ANKFY1: variants seen among roughly 807,000 people sequenced by gnomAD.
ANKFY1 encodes the protein ankyrin repeat and FYVE domain containing 1.
ANKFY1 carries 47 observed loss-of-function variants against 128.3 expected under a neutral mutation model. That is an observed-to-expected ratio of 0.37 (90% CI 0.29 to 0.47). The LOEUF (loss-of-function observed/expected upper bound fraction) is 0.47. Ranked by LOEUF, ANKFY1 falls within the 20% of genes least tolerant of loss-of-function variation. The probability of loss-of-function intolerance (pLI) is 1.00; values close to 1 mark genes in which losing one functional copy is unlikely to be tolerated. For synonymous variants in ANKFY1, 553 were observed against 601.6 expected (o/e 0.92, Z 1.18); for missense variants, 1,222 against 1,510.6 (o/e 0.81, Z 3.17).
chr17:4,233,004 GA>G (rs1013273027), intron 3 of ANKFY1, among the ~76,000 whole-genome samples: 283 of 141,242 alleles, frequency 2.0e-3, no homozygotes, highest in African/African-American at 5.2e-3. Flanking sequence ...AGATAATGAA[GA>G]AAAAAAAAAA....
intron 5 of ANKFY1, among the ~76,000 whole-genome samples, chr17:4,208,431 C>T (rs990239741): frequency 6.6e-6 from 1 of 152,198 alleles, no homozygotes; most frequent in Non-Finnish European, 1.5e-5. Flanking sequence ...AACAGGAATG[C>T]GCCCCAAGGG....
chr17:4,260,136 T>A (rs1212339557), intron 1 of ANKFY1, among the ~76,000 whole-genome samples: 1 of 152,126 alleles, frequency 6.6e-6, no homozygotes, highest in Non-Finnish European at 1.5e-5. Context: ...ATTTTAAGAT[T>A]ACGGAGAAGT....
At chr17:4,238,496 T>C (rs2143326811) in intron 2 of ANKFY1, among the ~76,000 whole-genome samples, 1 of 151,898 alleles carries the variant, frequency 6.6e-6, no homozygotes, top group South Asian at 2.1e-4. Context: ...TTTTTTGAGA[T>C]GGAGTTCACT....
At chr17:4,248,500 G>A (rs1967675683) in intron 1 of ANKFY1, among the ~76,000 whole-genome samples, 1 of 152,210 alleles carries the variant, frequency 6.6e-6, no homozygotes, top group African/African-American at 2.4e-5. Context: ...TGTCAGAGAA[G>A]TACGTGTAAA....
At chr17:4,252,338 GGGA>G (rs1422797757) in intron 1 of ANKFY1, among the ~76,000 whole-genome samples, 1 of 152,148 alleles carries the variant, frequency 6.6e-6, no homozygotes, top group Admixed American at 6.5e-5. Context: ...AGGCTGAGGC[GGGA>G]GAACAGCTTG....
At chr17:4,222,833 A>AGG in intron 3 of ANKFY1, 2 of 966,556 alleles carry the variant, frequency 2.1e-6, no homozygotes, top group Non-Finnish European at 3.4e-6. Flanking sequence ...GGAGTTCCCA[A>AGG]GGGTTGTCTC....
rs932253804 is a variant in ANKFY1 at position 4,211,915 on chromosome 17, CAAACAAACA to C, written c.459-1977_459-1969del. 2.7e-3 allele frequency among the ~76,000 whole-genome samples: 54 copies of C among 19,936 alleles called. No individual in the cohort carries two copies. The Non-Finnish European group carries it at 0.14, about 51-fold the overall frequency. The allele number at this position is 19,936 out of a possible 152,430, so 13.1% of individuals were successfully genotyped here. ...AAAAAACAAAACAAAAACAAACAAA[CAAACAAACA>C]AAAAACATCAACTACATCAGAGAAG... On this transcript the variant is annotated intron_variant, in intron 4 of 24. Transcript: ENST00000341657.
chr17:4,222,187 C>CCCCTGCTAA (rs2060331221), intron 3 of ANKFY1: 4 of 162,684 alleles, frequency 2.5e-5, no homozygotes, highest in Non-Finnish European at 5.1e-5. Context: ...GCTGCTGCTA[C>CCCCTGCTAA]CCCTGCTGCC....
At chr17:4,250,356 G>T (rs528631855) in intron 1 of ANKFY1, among the ~76,000 whole-genome samples, 2 of 152,224 alleles carry the variant, frequency 1.3e-5, no homozygotes, top group African/African-American at 4.8e-5. Context: ...TTCATTTCAT[G>T]TTATCAAAGC....
chr17:4,202,276 C>G (rs1301882671), intron 7 of ANKFY1, among the ~76,000 whole-genome samples: 1 of 152,054 alleles, frequency 6.6e-6, no homozygotes, highest in African/African-American at 2.4e-5. Flanking sequence ...TGGCATGTGC[C>G]TGTAATCCCA....
At chr17:4,233,945 G>C (rs1306477304) in intron 3 of ANKFY1, among the ~76,000 whole-genome samples, 2 of 152,214 alleles carry the variant, frequency 1.3e-5, no homozygotes, top group African/African-American at 4.8e-5. Flanking sequence ...GCATAACTAT[G>C]TTTGGTCAAC....
Position 4,169,410 on chromosome 17 carries a change from G to A in ANKFY1, c.3287-122C>T. 1 of 709,170 alleles carries A rather than the reference G, an allele frequency of 1.4e-6. No homozygotes were observed. Among genetic ancestry groups the A allele is most frequent in the Non-Finnish European group, 2.5e-6 (1 of 406,870 alleles). The allele number at this position is 709,170 out of a possible 1,614,324, so 43.9% of individuals were successfully genotyped here. ...GGCAGCGCTGCCACATGACATAGGT[G>A]ACGAAGGAGCGATAGGTTCTAAGTG... On this transcript the variant is annotated intron_variant, in intron 23 of 24. Coordinates refer to ENST00000341657, the MANE Select transcript of ANKFY1 (RefSeq NM_001330063.2). The surrounding 1 kb of genome is among the most constrained non-coding windows in gnomAD (Gnocchi z 5.0).
intron 1 of ANKFY1, among the ~76,000 whole-genome samples, chr17:4,243,770 C>T (rs1440592064): frequency 6.6e-6 from 1 of 152,078 alleles, no homozygotes; most frequent in Admixed American, 6.6e-5. Context: ...TCCGCAGGTG[C>T]GCTGGGGCAG....
chr17:4,207,773 T>A (rs2060052079), intron 6 of ANKFY1, among the ~76,000 whole-genome samples, 160 bp downstream of exon 6: 1 of 152,056 alleles, frequency 6.6e-6, no homozygotes. Context: ...GAGAAACATG[T>A]TAGAAAAAGC....
chr17:4,190,963 C>T (rs749369668), intron 10 of ANKFY1, among the ~76,000 whole-genome samples: 1 of 152,134 alleles, frequency 6.6e-6, no homozygotes, highest in Non-Finnish European at 1.5e-5. Context: ...CATGGTGAAA[C>T]CCTGTCTCTA....
chr17:4,197,249 A>C, intron 8 of ANKFY1, 124 bp downstream of exon 8: 3 of 993,308 alleles, frequency 3.0e-6, no homozygotes, highest in Non-Finnish European at 4.6e-6. Flanking sequence ...CTGTGACTTT[A>C]ATGAAAATAA....
chr17:4,235,493 G>A lies in ANKFY1; in HGVS notation c.322+279C>T, dbSNP rs1330201980. 2.6e-5 allele frequency among the ~76,000 whole-genome samples: 4 copies of A among 151,996 alleles called. No homozygotes were observed. The East Asian group carries it at 5.8e-4, about 22-fold the overall frequency. On this transcript the variant is annotated intron_variant, in intron 3 of 24. Transcript: ENST00000341657. ...ATATTTTTTCATGAAATGAGTGTAC[G>A]GAAAAACACTTACATTTTATAAATC... is the stretch of plus-strand genomic sequence containing the variant.
At chr17:4,200,245 G>A (rs913192206) in intron 7 of ANKFY1, among the ~76,000 whole-genome samples, 1 of 151,882 alleles carries the variant, frequency 6.6e-6, no homozygotes, top group Admixed American at 6.6e-5. Flanking sequence ...TGTGTTTTTG[G>A]TAGAGGTGGG....
At chr17:4,222,905 C>A in intron 3 of ANKFY1, 1 of 1,118,004 alleles carries the variant, frequency 8.9e-7, no homozygotes, top group Non-Finnish European at 1.4e-6. Context: ...CAACTCCTAT[C>A]ACCAGCTCCT....
Sources: allele counts gnomAD v4.1 joint callset (sites outside exome capture counted in the v4.1 genomes callset), GRCh38; gene constraint gnomAD v4.1.1; non-coding constraint Gnocchi (gnomAD v3.1); transcripts MANE v1.5; gene names NCBI Gene and HGNC (gene_info 2026-07-23, HGNC 2026-07-21).